Variants in BAIAP2L1 observed in about 807,000 individuals in gnomAD.
The protein encoded by BAIAP2L1 is BAR/IMD domain containing adaptor protein 2 like 1, also known as BAR/IMD domain-containing adapter protein 2-like 1.
Under a neutral mutation model 66.3 loss-of-function variants are expected in BAIAP2L1, and 35 were observed. The ratio of observed to expected loss-of-function variants is 0.53; its 90% CI spans 0.40 to 0.70. The LOEUF is 0.70. Among genes scored for constraint, BAIAP2L1 ranks in the 30% least tolerant of loss-of-function variants. BAIAP2L1 has a pLI of 0.00. For synonymous variants in BAIAP2L1, 269 were observed against 248.7 expected (o/e 1.08, Z -0.77); for missense variants, 622 against 656.9 (o/e 0.95, Z 0.58).
At position 98,292,984 on chromosome 7, in the gene BAIAP2L1, G is replaced by A. The variant is rs1255503353; in HGVS notation, c.*537C>T. The A allele has an allele frequency of 6.8e-6, 8 of 1,180,952 alleles. No individual in the cohort carries two copies. The highest frequency in any genetic ancestry group is 7.3e-6 in the Non-Finnish European group (7 of 954,790). 73.2% of individuals were successfully genotyped at this position (1,180,952 alleles called of 1,614,324 possible). A position where few individuals can be genotyped will look rare whatever the true frequency, so the allele number is the denominator to read the frequency against. ...GGAGGGTGGGGGTTTCTCCATCTCT[G>A]GAAGCTCTACACTTAAACATTTTAA... is the stretch of plus-strand genomic sequence containing the variant. On this transcript the variant is annotated 3_prime_UTR_variant, in exon 14 of 14. Transcript: ENST00000005260.
Position 98,317,230 on chromosome 7 carries a change from T to C in BAIAP2L1, c.475A>G (p.Lys159Glu), listed in dbSNP as rs1187272007. The C allele has an allele frequency of 6.2e-7, 1 of 1,614,250 alleles. No homozygotes were observed. Among genetic ancestry groups the C allele is most frequent in the Admixed American group, 1.7e-5 (1 of 60,022 alleles). The change falls in exon 6 of 14, where the codon AAA becomes GAA. Residue 159 changes from lysine to glutamate, a missense_variant. Physicochemically the swap from Lys to Glu is moderately conservative, Grantham distance 56. Transcript: ENST00000005260. ...GSRNALKYEH[K>E]EIEYVETVTS... ...GTTGAAAAGCTCACCTCAATTTCTT[T>C]GTGTTCATATTTGAGTGCGTTTCGG...
rs1380227043 is a variant in BAIAP2L1 at position 98,367,534 on chromosome 7, C to CTTTT, written c.52-5106_52-5103dup. ...TATAGGCGCGCACCACCACACCTGGCTTTTTTTTTTTTTTTTTGTGAGACG... is the reference window on the plus strand; with the variant it reads ...TATAGGCGCGCACCACCACACCTGGCTTTTTTTTTTTTTTTTTTTTTGTGAGACG... On this transcript the variant is annotated intron_variant, in intron 1 of 13. Transcript: ENST00000005260. Among the ~76,000 whole-genome samples the CTTTT allele has an allele frequency of 6.7e-3, 769 of 114,478 alleles. 23 individuals are homozygous for CTTTT. Among genetic ancestry groups the CTTTT allele is most frequent in the Non-Finnish European group, 8.9e-3 (513 of 57,902 alleles). 75.1% of individuals were successfully genotyped at this position (114,478 alleles called of 152,430 possible).
At chr7:98,328,557 A>T (rs1801424624) in intron 3 of BAIAP2L1, among the ~76,000 whole-genome samples, 1 of 152,032 alleles carries the variant, frequency 6.6e-6, no homozygotes, top group African/African-American at 2.4e-5. Flanking sequence ...CACGTGGAGC[A>T]GATGGGTTCA....
At chr7:98,396,427 C>T (rs1464379029) in intron 1 of BAIAP2L1, among the ~76,000 whole-genome samples, 1 of 152,116 alleles carries the variant, frequency 6.6e-6, no homozygotes, top group Admixed American at 6.6e-5. Flanking sequence ...AACAGAATGA[C>T]AGAAAATTCC....
intron 1 of BAIAP2L1, among the ~76,000 whole-genome samples, chr7:98,384,315 C>T (rs913323479): frequency 2.6e-5 from 4 of 152,104 alleles, no homozygotes; most frequent in Admixed American, 6.6e-5. Context: ...TATAAAACTA[C>T]AGATAAATGG....
chr7:98,371,683 T>A (rs1389905625), intron 1 of BAIAP2L1, among the ~76,000 whole-genome samples: 2 of 152,242 alleles, frequency 1.3e-5, no homozygotes, highest in Non-Finnish European at 2.9e-5. Context: ...AGTATGGAAC[T>A]ATACATAAAT....
At chr7:98,297,486 G>A (rs937511261) in intron 12 of BAIAP2L1, among the ~76,000 whole-genome samples, 1 of 152,154 alleles carries the variant, frequency 6.6e-6, no homozygotes, top group African/African-American at 2.4e-5. Flanking sequence ...CCTTGCTCCT[G>A]AGCAGAATGG....
intron 2 of BAIAP2L1, among the ~76,000 whole-genome samples, chr7:98,359,750 T>TTG (rs1225253533): frequency 2.0e-5 from 3 of 146,724 alleles, no homozygotes; most frequent in East Asian, 2.0e-4. Context: ...CCTGGGTTTT[T>TTG]TTTTTTTTTT....
chr7:98,385,496 C>G (rs1006755286), intron 1 of BAIAP2L1, among the ~76,000 whole-genome samples: 12 of 152,052 alleles, frequency 7.9e-5, no homozygotes, highest in African/African-American at 2.9e-4. Flanking sequence ...TCTCTGCTCA[C>G]TGCAGCCTCG....
At position 98,293,587 on chromosome 7, in the gene BAIAP2L1, G is replaced by T. The variant is rs147238224; in HGVS notation, c.1470C>A (p.Asn490Lys). ...GGCGGAGTTTCACAGTGGCAAAGGG[G>T]TTTTCTCCGCTGCAGGGGATAAGAA... ...TAKPPFLSGE[N>K]PFATVKLRPT... Residue 490 changes from asparagine to lysine, a missense_variant, in exon 14 of 14, where the codon AAC becomes AAA. Physicochemically the swap from Asn to Lys is moderately conservative, Grantham distance 94. Transcript: ENST00000005260. 79 of 1,613,756 alleles carry T rather than the reference G, an allele frequency of 4.9e-5. No homozygotes were observed. In the Admixed American group the frequency reaches 8.8e-4, roughly 18 times the overall value.
At chr7:98,325,437 G>A (rs1801358765) in intron 3 of BAIAP2L1, among the ~76,000 whole-genome samples, 1 of 151,814 alleles carries the variant, frequency 6.6e-6, no homozygotes, top group Admixed American at 6.6e-5. Context: ...CAGCACTTTA[G>A]GATGCTGGGG....
rs747446690 is a variant in BAIAP2L1, at chr7:98,307,689, G to T, written c.1163C>A (p.Ala388Glu). Residue 388 changes from alanine to glutamate, a missense_variant and splice_region_variant, in exon 10 of 14, where the codon GCG (alanine) becomes GAG (glutamate). Physicochemically the swap from Ala to Glu is moderately radical, Grantham distance 107. Coordinates refer to ENST00000005260, the MANE Select transcript of BAIAP2L1 (RefSeq NM_018842.5). Reference sequence around the variant, plus strand: ...CGGGGACCATCACGCCCAGACTTACGCCTTGGACACGTCGTGTTCTCCATA... The same window carrying T: ...CGGGGACCATCACGCCCAGACTTACTCCTTGGACACGTCGTGTTCTCCATA... ...WLYGEHDVSK[A>E]RGWFPSSYTK... 1 of 1,613,792 alleles carries T rather than the reference G, an allele frequency of 6.2e-7. No individual in the cohort carries two copies. The highest frequency in any genetic ancestry group is 1.7e-5 in the Admixed American group (1 of 60,028).
At chr7:98,396,646 T>C (rs1172977347) in intron 1 of BAIAP2L1, among the ~76,000 whole-genome samples, 1 of 151,898 alleles carries the variant, frequency 6.6e-6, no homozygotes, top group Non-Finnish European at 1.5e-5. Context: ...AATGCAAAAA[T>C]TTGCCAGGCG....
chr7:98,379,107 G>A (rs1802699427), intron 1 of BAIAP2L1, among the ~76,000 whole-genome samples: 2 of 152,024 alleles, frequency 1.3e-5, no homozygotes, highest in Admixed American at 6.6e-5. Context: ...TCGAATTCCT[G>A]ACCTCAGGCG....
At chr7:98,308,010 T>A (rs1258072690) in intron 9 of BAIAP2L1, 114 bp from the exon 10 acceptor site, 2 of 1,021,128 alleles carry the variant, frequency 2.0e-6, no homozygotes, top group Non-Finnish European at 3.1e-6. Flanking sequence ...CAATGCTCCT[T>A]CCACGGAAAC....
At chr7:98,372,731 T>TG (rs1457851885) in intron 1 of BAIAP2L1, among the ~76,000 whole-genome samples, 2 of 138,008 alleles carry the variant, frequency 1.4e-5, no homozygotes, top group African/African-American at 2.7e-5. Context: ...AGATCGATTT[T>TG]GGTTTTTTTT....
chr7:98,329,550 C>T (rs1018924000), intron 3 of BAIAP2L1, among the ~76,000 whole-genome samples: 1 of 152,034 alleles, frequency 6.6e-6, no homozygotes, highest in African/African-American at 2.4e-5. Flanking sequence ...GGGAGGTAAA[C>T]ATTCTGAAAT....
intron 3 of BAIAP2L1, among the ~76,000 whole-genome samples, chr7:98,321,390 A>G (rs541419747): frequency 1.1e-4 from 16 of 152,302 alleles, no homozygotes; most frequent in African/African-American, 3.6e-4. Flanking sequence ...TTTGGAAAAT[A>G]CTAACGCCAG....
intron 6 of BAIAP2L1, 44 bp downstream of exon 6, chr7:98,317,175 A>G (rs1310144081): frequency 1.9e-6 from 3 of 1,613,316 alleles, no homozygotes; most frequent in Non-Finnish European, 2.5e-6. Flanking sequence ...AACTGTGCAA[A>G]TTGTCAACAA....
Sources: allele counts gnomAD v4.1 joint callset (sites outside exome capture counted in the v4.1 genomes callset), GRCh38; gene constraint gnomAD v4.1.1; transcripts MANE v1.5; gene names NCBI Gene and HGNC (gene_info 2026-07-23, HGNC 2026-07-21).